Variants in USP31 observed in about 807,000 individuals in gnomAD.
The protein encoded by USP31 is ubiquitin carboxyl-terminal hydrolase 31.
USP31 carries 44 observed loss-of-function variants against 119.4 expected under a neutral mutation model. That is an observed-to-expected ratio of 0.37 (90% CI 0.29 to 0.47). The LOEUF (loss-of-function observed/expected upper bound fraction) is 0.47, where lower values mean the gene tolerates loss of function less well. Ranked by LOEUF, USP31 falls within the 20% of genes least tolerant of loss-of-function variation. USP31 has a pLI of 0.99. For missense variants in USP31, 1,643 were observed against 1,730.2 expected, an observed-to-expected ratio of 0.95 and a Z score of 0.89; for synonymous variants, 749 against 705.6, an observed-to-expected ratio of 1.06 and a Z score of -0.97.
At chr16:23,085,194 C>A (rs770529835) in intron 10 of USP31, among the ~76,000 whole-genome samples, 25 of 152,128 alleles carry the variant, frequency 1.6e-4, no homozygotes, top group Non-Finnish European at 2.9e-4. Flanking sequence ...ATTTCCAGAA[C>A]TAACTTGATT....
At chr16:23,072,859 C>T (rs1005298984) in intron 14 of USP31, among the ~76,000 whole-genome samples, 2 of 151,944 alleles carry the variant, frequency 1.3e-5, no homozygotes, top group African/African-American at 2.4e-5. Flanking sequence ...CTGGAGTTCC[C>T]GCTGTGTTAA....
In USP31 at chr16:23,134,020, T is replaced by C. The variant is rs368040897; in HGVS notation, c.633+14618A>G. Among the ~76,000 whole-genome samples, 12 of 151,794 alleles carry C rather than the reference T, an allele frequency of 7.9e-5. No individual in the cohort carries two copies. The East Asian group carries it at 1.9e-3, about 25-fold the overall frequency. On this transcript the variant is annotated intron_variant, in intron 1 of 15. Coordinates refer to ENST00000219689, the MANE Select transcript of USP31 (RefSeq NM_020718.4). ...TGAGCCTGGGAGGTCAAGGCTGCAG[T>C]GAGCCAATATCATGCCACTACACTC...
chr16:23,085,394 T>TA (rs1281338692), intron 10 of USP31, among the ~76,000 whole-genome samples, 191 bp downstream of exon 10: 2 of 152,216 alleles, frequency 1.3e-5, no homozygotes, highest in Non-Finnish European at 2.9e-5. Flanking sequence ...TCTAAGGTTC[T>TA]GGGATTGGGA....
intron 1 of USP31, among the ~76,000 whole-genome samples, chr16:23,121,643 T>C (rs753601685): frequency 2.0e-5 from 3 of 152,196 alleles, no homozygotes; most frequent in Non-Finnish European, 4.4e-5. Flanking sequence ...CTTCAAAGAA[T>C]AGATCAAGCT....
chr16:23,145,769 C>T (rs1903485891), intron 1 of USP31, among the ~76,000 whole-genome samples: 2 of 152,208 alleles, frequency 1.3e-5, no homozygotes, highest in Admixed American at 6.5e-5. Context: ...CCTCCGGAAT[C>T]ACTGTGTGTG....
chr16:23,145,453 G>A (rs1903477826), intron 1 of USP31, among the ~76,000 whole-genome samples: 1 of 152,130 alleles, frequency 6.6e-6, no homozygotes, highest in Admixed American at 6.5e-5. Context: ...CATCTCCTCT[G>A]TGAAGACAGG....
chr16:23,121,234 TCACA>T (rs1251199044), intron 1 of USP31, among the ~76,000 whole-genome samples: 3 of 152,200 alleles, frequency 2.0e-5, no homozygotes, highest in Non-Finnish European at 2.9e-5. Flanking sequence ...CGCTTGCAAG[TCACA>T]GACCTGCTGT....
intron 1 of USP31, among the ~76,000 whole-genome samples, chr16:23,135,435 A>T (rs1257655594): frequency 1.3e-5 from 2 of 152,216 alleles, no homozygotes; most frequent in Non-Finnish European, 2.9e-5. Context: ...TCTTGTATGT[A>T]GAAACACCTA....
intron 1 of USP31, among the ~76,000 whole-genome samples, chr16:23,111,612 T>TG (rs1418533981): frequency 6.6e-6 from 1 of 151,984 alleles, no homozygotes; most frequent in African/African-American, 2.4e-5. Context: ...ATTCAACAGA[T>TG]GGGGGGTGGT....
chr16:23,080,547 A>G (rs1900775202), intron 12 of USP31, among the ~76,000 whole-genome samples: 1 of 152,200 alleles, frequency 6.6e-6, no homozygotes. Flanking sequence ...ATGAAGGGCA[A>G]ACCACAGCGC....
chr16:23,136,653 C>CAAA (rs200523344), intron 1 of USP31, among the ~76,000 whole-genome samples: 1 of 76,330 alleles, frequency 1.3e-5, no homozygotes, highest in Non-Finnish European at 2.7e-5. Flanking sequence ...GACTTCATCT[C>CAAA]AAAAAAAAAA....
In USP31 at chr16:23,069,063, T is replaced by C; in HGVS notation, c.3042A>G (p.Ser1014=). Residue 1014 remains serine, a synonymous_variant, in exon 16 of 16, where the codon TCA becomes TCG. Transcript: ENST00000219689. ...TTGTGCTCTCTGGTTTCTTTGCGAG[T>C]GAGCCTGGGTGGCTGGGGGCTTTCA... ...KEVKAPSHPG[S]LAKKPESTTK... 1.2e-6 allele frequency: 2 copies of C among 1,612,564 alleles called. No individual in the cohort carries two copies. Among genetic ancestry groups the C allele is most frequent in the Non-Finnish European group, 1.7e-6 (2 of 1,180,014 alleles).
chr16:23,133,757 T>C (rs1903100529), intron 1 of USP31, among the ~76,000 whole-genome samples: 1 of 152,126 alleles, frequency 6.6e-6, no homozygotes, highest in Non-Finnish European at 1.5e-5. Context: ...CTGCCCCAAA[T>C]TAATGCATAT....
At chr16:23,103,307 A>C (rs1460906797) in intron 5 of USP31, among the ~76,000 whole-genome samples, 2 of 152,216 alleles carry the variant, frequency 1.3e-5, no homozygotes, top group East Asian at 3.8e-4. Context: ...TATTGAAAAA[A>C]AAAATCAACT....
intron 15 of USP31, among the ~76,000 whole-genome samples, 160 bp from the exon 16 acceptor site, chr16:23,069,776 T>C (rs752010512): frequency 1.3e-5 from 2 of 152,232 alleles, no homozygotes; most frequent in Non-Finnish European, 2.9e-5. Flanking sequence ...TGTGTGGCTT[T>C]GACTTTTCTG....
chr16:23,146,993 G>T (rs1596742912), intron 1 of USP31, among the ~76,000 whole-genome samples: 1 of 151,946 alleles, frequency 6.6e-6, no homozygotes, highest in South Asian at 2.1e-4. Flanking sequence ...ATGGGTGGGG[G>T]GTGAACAAGA....
intron 6 of USP31, among the ~76,000 whole-genome samples, chr16:23,096,443 G>C (rs530266407): frequency 6.6e-6 from 1 of 152,176 alleles, no homozygotes; most frequent in Non-Finnish European, 1.5e-5. Context: ...CAAGACAAAA[G>C]GTTAACAAGG....
At chr16:23,138,034 G>C (rs1410010221) in intron 1 of USP31, among the ~76,000 whole-genome samples, 1 of 152,058 alleles carries the variant, frequency 6.6e-6, no homozygotes, top group Non-Finnish European at 1.5e-5. Context: ...TAAATCAATG[G>C]CACCTTAGGG....
chr16:23,092,706 A>G (rs570931442), intron 6 of USP31, among the ~76,000 whole-genome samples: 25 of 152,322 alleles, frequency 1.6e-4, no homozygotes, highest in African/African-American at 6.0e-4. Context: ...ACCTGGGTCA[A>G]AGAAGAATAA....
Sources: allele counts gnomAD v4.1 joint callset (sites outside exome capture counted in the v4.1 genomes callset), GRCh38; gene constraint gnomAD v4.1.1; transcripts MANE v1.5; gene names NCBI Gene and HGNC (gene_info 2026-07-23, HGNC 2026-07-21).